VSTM1: variants seen among roughly 807,000 people sequenced by gnomAD.
VSTM1 encodes V-set and transmembrane domain containing 1.
VSTM1 carries 27 observed loss-of-function variants against 33.1 expected under a neutral mutation model. The ratio of observed to expected loss-of-function variants is 0.82; its 90% CI spans 0.60 to 1.12. VSTM1 has a LOEUF of 1.12. VSTM1 is among the 50% of genes most tolerant of loss of function. The pLI is 0.00. For missense variants in VSTM1, 304 were observed against 288.9 expected (o/e 1.05, Z -0.38); for synonymous variants, 115 against 110.3 (o/e 1.04, Z -0.27).
chr19:54,054,856 GAT>G (rs2071014152), intron 3 of VSTM1, among the ~76,000 whole-genome samples: 4 of 42,188 alleles, frequency 9.5e-5, no homozygotes, highest in Non-Finnish European at 3.8e-4. Context: ...TGAATGGATG[GAT>G]GGATGGATGG....
chr19:54,042,841 T>TATATATATATAC (rs1555752725), intron 4 of VSTM1, among the ~76,000 whole-genome samples: 49 of 96,330 alleles, frequency 5.1e-4, no homozygotes, highest in South Asian at 9.2e-4. Context: ...TATATATACA[T>TATATATATATAC]ATATATATAT....
chr19:54,054,719 G>A lies in VSTM1; in HGVS notation c.356-3271C>T, dbSNP rs1190678339. On this transcript the variant is annotated intron_variant, in intron 3 of 8. Transcript: ENST00000338372. ...TGGGTGAAAGGGTGGATGAGTGGAT[G>A]AATGGGTGGAAGGATGGACAAATGA... Among the ~76,000 whole-genome samples, 2 of 139,736 alleles carry A rather than the reference G, an allele frequency of 1.4e-5. 1 individual carries two copies. 91.7% of individuals were successfully genotyped at this position (139,736 alleles called of 152,430 possible).
At chr19:54,062,594 T>A (rs1341284344) in intron 1 of VSTM1, among the ~76,000 whole-genome samples, 1 of 151,218 alleles carries the variant, frequency 6.6e-6, no homozygotes, top group African/African-American at 2.4e-5. Context: ...CGTGGTGGCG[T>A]GTGCCTATAA....
intron 4 of VSTM1, among the ~76,000 whole-genome samples, chr19:54,044,080 A>G (rs528888786): frequency 1.3e-4 from 20 of 152,088 alleles, no homozygotes; most frequent in African/African-American, 4.6e-4. Flanking sequence ...AACTTCAAAC[A>G]CACTTCAATG....
At chr19:54,047,507 T>C (rs892250109) in intron 4 of VSTM1, among the ~76,000 whole-genome samples, 6 of 152,264 alleles carry the variant, frequency 3.9e-5, no homozygotes, top group African/African-American at 4.8e-5. Flanking sequence ...TTGGTTAGGC[T>C]GGTCTCAAAC....
At chr19:54,048,799 C>T (rs894796213) in intron 4 of VSTM1, among the ~76,000 whole-genome samples, 20 of 152,058 alleles carry the variant, frequency 1.3e-4, no homozygotes, top group Admixed American at 4.6e-4. Context: ...AAAAGAAGAA[C>T]GGGGCCAGGC....
chr19:54,062,855 C>T (rs1051393017), intron 1 of VSTM1, among the ~76,000 whole-genome samples: 1 of 152,150 alleles, frequency 6.6e-6, no homozygotes, highest in Non-Finnish European at 1.5e-5. Context: ...CACCGCACCC[C>T]CCGTGCACCA....
At chr19:54,051,520 C>T in intron 3 of VSTM1, 72 bp from the exon 4 acceptor site, 1 of 1,239,352 alleles carries the variant, frequency 8.1e-7, no homozygotes. Context: ...GTCCTCACGT[C>T]CTACTTATAG....
At chr19:54,054,643 A>G (rs1210533447) in intron 3 of VSTM1, among the ~76,000 whole-genome samples, 1 of 140,830 alleles carries the variant, frequency 7.1e-6, no homozygotes, top group African/African-American at 2.6e-5. Flanking sequence ...GAATGGATGG[A>G]TGGATGGATG....
At position 54,057,220 on chromosome 19, in the gene VSTM1, A is replaced by G. The variant is rs2071141665; in HGVS notation, c.355+1086T>C. Among the ~76,000 whole-genome samples, 2 of 140,742 alleles carry G rather than the reference A, an allele frequency of 1.4e-5. 1 individual carries two copies. Among genetic ancestry groups the G allele is most frequent in the South Asian group, 4.7e-4 (2 of 4,236 alleles). The allele number at this position is 140,742 out of a possible 152,430, so 92.3% of individuals were successfully genotyped here. A position where few individuals can be genotyped will look rare whatever the true frequency, so the allele number is the denominator to read the frequency against. On this transcript the variant is annotated intron_variant, in intron 3 of 8. Coordinates refer to ENST00000338372, the MANE Select transcript of VSTM1 (RefSeq NM_198481.4). ...CCCCAGCCATGTCCCACGACAGGAA[A>G]AGAAATACGTGCATCAGGCAGGCTT...
At chr19:54,045,266 CTATCTT>C (rs1359905575) in intron 4 of VSTM1, among the ~76,000 whole-genome samples, 1 of 152,190 alleles carries the variant, frequency 6.6e-6, no homozygotes, top group African/African-American at 2.4e-5. Flanking sequence ...ATCTACCTAT[CTATCTT>C]TATCTGTCTC....
At position 54,055,546 on chromosome 19, in the gene VSTM1, C is replaced by G. The variant is rs186620828; in HGVS notation, c.355+2760G>C. 171 of 142,976 alleles carry G rather than the reference C, an allele frequency of 1.2e-3. 25 individuals are homozygous for G. The highest frequency in any genetic ancestry group is 1.4e-3 in the Non-Finnish European group (89 of 64,544). 8.9% of individuals were successfully genotyped at this position (142,976 alleles called of 1,614,324 possible). A position where few individuals can be genotyped will look rare whatever the true frequency, so the allele number is the denominator to read the frequency against. On this transcript the variant is annotated intron_variant, in intron 3 of 8. Transcript: ENST00000338372. ...CCAGCTTGTTGCTGGGGAAGGAGGC[C>G]AAGTGTGATGAGTTGCTCAGGTAAT...
Position 54,058,542 on chromosome 19 carries a change from T to G in VSTM1, c.119A>C (p.Glu40Ala), listed in dbSNP as rs200819971. 11 of 1,614,042 alleles carry G rather than the reference T, an allele frequency of 6.8e-6. No individual in the cohort carries two copies. The highest frequency in any genetic ancestry group is 6.7e-5 in the East Asian group (3 of 44,870). Reference protein sequence around the residue: ...SLHAWPSSVVEAESNVTLKCQ... With the variant: ...SLHAWPSSVVAAESNVTLKCQ... ...CTTCAGGGTCACATTGCTCTCGGCTTCAACCACCGAGCTGGGCCAGGCGTG... is the reference window on the plus strand; with the variant it reads ...CTTCAGGGTCACATTGCTCTCGGCTGCAACCACCGAGCTGGGCCAGGCGTG... Residue 40 changes from glutamate to alanine, a missense_variant, in exon 3 of 9, where the codon GAA becomes GCA. By Grantham distance (107) the Glu-to-Ala change is moderately radical. Coordinates refer to ENST00000338372, the MANE Select transcript of VSTM1 (RefSeq NM_198481.4).
chr19:54,043,562 C>T (rs2070425724), intron 4 of VSTM1, among the ~76,000 whole-genome samples: 1 of 152,140 alleles, frequency 6.6e-6, no homozygotes, highest in South Asian at 2.1e-4. Flanking sequence ...CAGGTGCCCA[C>T]CATCACGCCC....
rs555365532 is a variant in VSTM1 at position 54,047,935 on chromosome 19, A to G, written c.394+3475T>C. 2.0e-5 allele frequency among the ~76,000 whole-genome samples: 3 copies of G among 152,246 alleles called. No individual in the cohort carries two copies. The South Asian group carries it at 6.2e-4, about 32-fold the overall frequency. ...TACTAAAGTCAGCGTGAGCAACAAGATACAGCCTGACACGGGGCATAAATG... is the reference window on the plus strand; with the variant it reads ...TACTAAAGTCAGCGTGAGCAACAAGGTACAGCCTGACACGGGGCATAAATG... On this transcript the variant is annotated intron_variant, in intron 4 of 8. Coordinates refer to ENST00000338372, the MANE Select transcript of VSTM1 (RefSeq NM_198481.4).
chr19:54,054,622 A>AATGAATGG lies in VSTM1; in HGVS notation c.356-3182_356-3175dup, dbSNP rs1202520059. On this transcript the variant is annotated intron_variant, in intron 3 of 8. Coordinates refer to ENST00000338372, the MANE Select transcript of VSTM1 (RefSeq NM_198481.4). ...GAGAGGTATTGTTTAGTGACTAATA[A>AATGAATGG]ATGAATGGATGAATGGATGGATGGA... Among the ~76,000 whole-genome samples, 4 of 128,008 alleles carry AATGAATGG rather than the reference A, an allele frequency of 3.1e-5. 2 individuals carry two copies. The highest frequency in any genetic ancestry group is 1.1e-4 in the African/African-American group (4 of 36,824). 84.0% of individuals were successfully genotyped at this position (128,008 alleles called of 152,430 possible). A position where few individuals can be genotyped will look rare whatever the true frequency, so the allele number is the denominator to read the frequency against.
chr19:54,048,997 T>A (rs1236487594), intron 4 of VSTM1, among the ~76,000 whole-genome samples: 1 of 151,964 alleles, frequency 6.6e-6, no homozygotes, highest in Non-Finnish European at 1.5e-5. Flanking sequence ...GGCAAAAGAA[T>A]CACTTAAACC....
intron 3 of VSTM1, 137 bp from the exon 4 acceptor site, chr19:54,051,585 A>T: frequency 1.6e-6 from 1 of 613,372 alleles, no homozygotes; most frequent in Non-Finnish European, 2.8e-6. Context: ...CATTCCCTAG[A>T]TGCTCCCTGG....
chr19:54,042,222 C>T, intron 5 of VSTM1, 26 bp from the exon 6 acceptor site: 1 of 1,613,958 alleles, frequency 6.2e-7, no homozygotes, highest in Non-Finnish European at 8.5e-7. Flanking sequence ...GAGGAATTTA[C>T]CTACCGAGAA....
Sources: gnomAD v4.1 joint callset for allele counts (sites outside exome capture counted in the v4.1 genomes callset) on GRCh38, gnomAD v4.1.1 for gene constraint, MANE v1.5 for transcripts, NCBI Gene and HGNC (gene_info 2026-07-23, HGNC 2026-07-21) for gene names.